CFAP46: variants seen among roughly 807,000 people sequenced by gnomAD.
CFAP46 encodes cilia- and flagella-associated protein 46.
Under a neutral mutation model 325.7 loss-of-function variants are expected in CFAP46, and 245 were observed. The ratio of observed to expected loss-of-function variants is 0.75; its 90% CI spans 0.68 to 0.84. The LOEUF (loss-of-function observed/expected upper bound fraction) is 0.84. Ranked by LOEUF, CFAP46 falls within the 40% of genes least tolerant of loss-of-function variation. The probability of loss-of-function intolerance (pLI) is 0.00; values close to 1 mark genes in which losing one functional copy is unlikely to be tolerated. For missense variants in CFAP46, 3,346 were observed against 3,543.0 expected (o/e 0.94, Z 1.41); for synonymous variants, 1,523 against 1,495.9 (o/e 1.02, Z -0.42).
At chr10:132,860,742 C>G (rs895138974) in intron 36 of CFAP46, 40 bp downstream of exon 36, 5 of 1,542,640 alleles carry the variant, frequency 3.2e-6, no homozygotes, top group East Asian at 2.5e-5. Context: ...GCACCTGGCC[C>G]GGCACCCGAC....
chr10:132,830,345 T>C, intron 50 of CFAP46, among the ~76,000 whole-genome samples: 1 of 152,174 alleles, frequency 6.6e-6, no homozygotes, highest in East Asian at 1.9e-4. Flanking sequence ...GGTTTCACCA[T>C]CTTGGCCAGG....
intron 44 of CFAP46, among the ~76,000 whole-genome samples, chr10:132,842,569 C>A (rs73391246): frequency 0.07 from 10,648 of 152,288 alleles, 931 homozygotes; most frequent in African/African-American, 0.2. Context: ...AGTTCCATAG[C>A]TGCTTCCATA....
At chr10:132,896,817 T>A (rs1849327361) in intron 24 of CFAP46, among the ~76,000 whole-genome samples, 1 of 152,058 alleles carries the variant, frequency 6.6e-6, no homozygotes, top group African/African-American at 2.4e-5. Flanking sequence ...AAAACAATCT[T>A]GAAAAAGAAC....
chr10:132,824,648 T>C (rs1291072517), intron 50 of CFAP46, among the ~76,000 whole-genome samples: 56 of 110,742 alleles, frequency 5.1e-4, no homozygotes, highest in Non-Finnish European at 8.8e-4. Context: ...TGTGTGCTGA[T>C]GTGTGCTGTG....
At chr10:132,822,265 G>A (rs61720665) in intron 50 of CFAP46, among the ~76,000 whole-genome samples, 13,040 of 64,394 alleles carry the variant, frequency 0.2, 1,489 homozygotes, top group African/African-American at 0.29. Flanking sequence ...TGTGTGCTGT[G>A]TGTGTGCTGT....
chr10:132,890,759 G>A (rs924651298), intron 25 of CFAP46, among the ~76,000 whole-genome samples: 3 of 152,114 alleles, frequency 2.0e-5, no homozygotes, highest in Non-Finnish European at 2.9e-5. Flanking sequence ...TGCCGTGTGC[G>A]TCGGGCTCAT....
At chr10:132,859,367 G>A (rs767769313) in intron 37 of CFAP46, 120 bp from the exon 38 acceptor site, 7 of 806,338 alleles carry the variant, frequency 8.7e-6, no homozygotes, top group Admixed American at 6.0e-5. Flanking sequence ...AAACGCTTTC[G>A]GAGCATTTCT....
chr10:132,898,858 C>T (rs1417744084), intron 24 of CFAP46, 101 bp downstream of exon 24: 1 of 1,430,426 alleles, frequency 7.0e-7, no homozygotes, highest in Non-Finnish European at 9.6e-7. Context: ...CTCTGGGAGG[C>T]CTGTGGGGTC....
In CFAP46 at chr10:132,895,537, A is replaced by T. The variant is rs192863514; in HGVS notation, c.3220-3120T>A. The stretch of plus-strand genomic sequence containing the variant: ...GAAAAGAAGAGGTAAAACTATCTCT[A>T]TTCACAGATGACATGATCCTATACA... On this transcript the variant is annotated intron_variant, in intron 24 of 57. Transcript: ENST00000368586. 1.3e-4 allele frequency among the ~76,000 whole-genome samples: 20 copies of T among 151,830 alleles called. No individual in the cohort carries two copies. In the East Asian group the frequency reaches 3.9e-3, roughly 30 times the overall value.
Position 132,880,847 on chromosome 10 carries a change from C to T in CFAP46, c.3799+14G>A, listed in dbSNP as rs1450716592. 19 of 1,541,700 alleles carry T rather than the reference C, an allele frequency of 1.2e-5. No individual in the cohort carries two copies. Among genetic ancestry groups the T allele is most frequent in the East Asian group, 7.3e-5 (3 of 40,842 alleles). ...CGGCGTGGGGTCGGCACCCTGCCAG[C>T]GGCGTGGGCTCACCATCCGGCGTGG... On this transcript the variant is annotated intron_variant, in intron 28 of 57. Coordinates refer to ENST00000368586, the MANE Select transcript of CFAP46 (RefSeq NM_001200049.3).
chr10:132,823,319 ATGTGTGCGGTGTGCTGATGTGTGCTG>A (rs1847932547), intron 50 of CFAP46, among the ~76,000 whole-genome samples: 2 of 53,552 alleles, frequency 3.7e-5, no homozygotes, highest in South Asian at 9.7e-4. Flanking sequence ...GTGAGTGCTG[ATGTGTGCGGTGTGCTGATGTGTGCTG>A]TGTGTGCTGA....
At chr10:132,913,016 C>T (rs1237441162) in intron 18 of CFAP46, 30 bp downstream of exon 18, 1 of 1,544,676 alleles carries the variant, frequency 6.5e-7, no homozygotes, top group Non-Finnish European at 8.7e-7. Context: ...AAGCCCCTCC[C>T]TGCGTGAACG....
intron 16 of CFAP46, among the ~76,000 whole-genome samples, chr10:132,917,561 ACCATCT>A (rs1362995916): frequency 6.6e-6 from 1 of 152,220 alleles, no homozygotes; most frequent in East Asian, 1.9e-4. Context: ...ATGCCGAGGT[ACCATCT>A]CCCCACCGAG....
intron 5 of CFAP46, 72 bp downstream of exon 5, chr10:132,938,517 A>T: frequency 7.1e-7 from 1 of 1,410,496 alleles, no homozygotes; most frequent in Non-Finnish European, 9.8e-7. Flanking sequence ...CCCCCCGGAG[A>T]AGGGGTGGTG....
At chr10:132,863,569 A>G (rs1043481692) in intron 35 of CFAP46, among the ~76,000 whole-genome samples, 1 of 148,556 alleles carries the variant, frequency 6.7e-6, no homozygotes, top group African/African-American at 2.5e-5. Flanking sequence ...AAAGACCTGC[A>G]TACACCTCTC....
chr10:132,823,222 G>GA, intron 50 of CFAP46, among the ~76,000 whole-genome samples: 1 of 130,072 alleles, frequency 7.7e-6, no homozygotes, highest in African/African-American at 3.0e-5. Flanking sequence ...GATGTGTGCT[G>GA]TGTGTGTGCT....
At chr10:132,910,904 C>T (rs12412230) in intron 19 of CFAP46, among the ~76,000 whole-genome samples, 2 of 152,142 alleles carry the variant, frequency 1.3e-5, no homozygotes, top group South Asian at 2.1e-4. Flanking sequence ...ACTCCCCGTG[C>T]GGTTGTGCAC....
intron 39 of CFAP46, among the ~76,000 whole-genome samples, chr10:132,854,722 C>T (rs553267237): frequency 1.3e-5 from 2 of 152,124 alleles, no homozygotes; most frequent in Non-Finnish European, 2.9e-5. Context: ...GGCACTTACA[C>T]GTTCACAACA....
intron 35 of CFAP46, among the ~76,000 whole-genome samples, chr10:132,863,337 C>A (rs1377535058): frequency 6.6e-6 from 1 of 152,170 alleles, no homozygotes; most frequent in African/African-American, 2.4e-5. Flanking sequence ...TCCACACCTC[C>A]AGCCCTGCGG....
Sources: gnomAD v4.1 joint callset for allele counts (sites outside exome capture counted in the v4.1 genomes callset) on GRCh38, gnomAD v4.1.1 for gene constraint, MANE v1.5 for transcripts, NCBI Gene and HGNC (gene_info 2026-07-23, HGNC 2026-07-21) for gene names.